The following PCDHA3 variants were observed in gnomAD, a reference collection of about 807,000 sequenced individuals.
PCDHA3 encodes the protein protocadherin alpha-3.
PCDHA3 carries 41 observed loss-of-function variants against 62.2 expected under a neutral mutation model. That is an observed-to-expected ratio of 0.66 (90% CI 0.51 to 0.86). The LOEUF (loss-of-function observed/expected upper bound fraction) is 0.86, where lower values mean the gene tolerates loss of function less well. PCDHA3 is among the 40% of genes least tolerant of loss of function. The pLI is 0.00. For synonymous variants in PCDHA3, 640 were observed against 555.4 expected, an observed-to-expected ratio of 1.15 and a Z score of -2.14; for missense variants, 1,304 against 1,241.2, an observed-to-expected ratio of 1.05 and a Z score of -0.76.
intron 1 of PCDHA3, chr5:140,829,485 A>G (rs2150168670): frequency 1.9e-6 from 3 of 1,613,760 alleles, no homozygotes; most frequent in Non-Finnish European, 1.7e-6. Context: ...GTGTTCGTGA[A>G]GGAGAACAAC....
intron 1 of PCDHA3, chr5:140,804,822 G>A (rs1763466410): frequency 2.7e-6 from 1 of 372,784 alleles, no homozygotes; most frequent in Admixed American, 4.7e-5. Context: ...CTGAAACCTG[G>A]TTAATACTCA....
chr5:140,876,261 A>G (rs2056242888), intron 1 of PCDHA3: 9 of 1,613,942 alleles, frequency 5.6e-6, no homozygotes, highest in Non-Finnish European at 7.6e-6. Context: ...GAGTGATCCA[A>G]CTAAATGCTT....
chr5:140,830,054 G>C, intron 1 of PCDHA3: 1 of 1,613,740 alleles, frequency 6.2e-7, no homozygotes, highest in Non-Finnish European at 8.5e-7. Flanking sequence ...GAAAGACCAC[G>C]GTGAGCCGGC....
chr5:140,902,421 A>G (rs1187358402), intron 1 of PCDHA3, among the ~76,000 whole-genome samples: 4 of 152,076 alleles, frequency 2.6e-5, no homozygotes, highest in Non-Finnish European at 5.9e-5. Context: ...AACAGTGGTG[A>G]AAGTGGGCAT....
intron 1 of PCDHA3, chr5:140,967,958 C>T (rs202159883): frequency 5.6e-6 from 9 of 1,614,182 alleles, no homozygotes; most frequent in East Asian, 2.2e-5. Flanking sequence ...AGGCCCCAAC[C>T]GGAAAGTGAG....
intron 1 of PCDHA3, among the ~76,000 whole-genome samples, chr5:140,917,533 T>C (rs1584058253): frequency 6.6e-6 from 1 of 152,346 alleles, no homozygotes; most frequent in East Asian, 1.9e-4. Context: ...GTTTGTATAG[T>C]TTTAGGTTTT....
intron 1 of PCDHA3, among the ~76,000 whole-genome samples, chr5:140,972,738 A>G (rs918730708): frequency 1.4e-5 from 2 of 142,600 alleles, no homozygotes; most frequent in Non-Finnish European, 3.0e-5. Context: ...ATCCCGGCTC[A>G]CTGCAACCTC....
At chr5:140,882,592 G>T in intron 1 of PCDHA3, 1 of 1,614,272 alleles carries the variant, frequency 6.2e-7, no homozygotes, top group Non-Finnish European at 8.5e-7. Context: ...ACCTGGAGGT[G>T]ATCGTGGACA....
chr5:140,867,485 T>C (rs1329188157), intron 1 of PCDHA3: 1 of 152,044 alleles, frequency 6.6e-6, no homozygotes, highest in Non-Finnish European at 1.5e-5. Context: ...AAAGAGTAAA[T>C]ATGAAAAAAG....
chr5:140,920,118 T>A (rs1196076867), intron 1 of PCDHA3, among the ~76,000 whole-genome samples: 1 of 152,164 alleles, frequency 6.6e-6, no homozygotes, highest in Non-Finnish European at 1.5e-5. Context: ...CTTGCCAACA[T>A]CTTGAGTTTT....
intron 3 of PCDHA3, among the ~76,000 whole-genome samples, chr5:141,000,403 A>G (rs1233777704): frequency 4.8e-5 from 4 of 84,110 alleles, no homozygotes; most frequent in Non-Finnish European, 9.0e-5. Context: ...CTCTATATAT[A>G]TATATATATA....
chr5:140,807,812 T>G, intron 1 of PCDHA3: 1 of 1,614,156 alleles, frequency 6.2e-7, no homozygotes, highest in African/African-American at 1.3e-5. Flanking sequence ...TCCGGAGATT[T>G]TTTTAGTGCT....
intron 1 of PCDHA3, chr5:140,812,413 T>C (rs2126638676): frequency 6.6e-6 from 1 of 152,122 alleles, no homozygotes; most frequent in African/African-American, 2.4e-5. Context: ...GTCAGTTTTG[T>C]TGTTTTTTCA....
At chr5:140,871,293 G>T (rs1206433527) in intron 1 of PCDHA3, 5 of 1,613,794 alleles carry the variant, frequency 3.1e-6, no homozygotes, top group Admixed American at 1.7e-5. Flanking sequence ...CTGAGGGCGC[G>T]TGCGCGCCGG....
intron 1 of PCDHA3, chr5:140,808,078 A>G (rs1764093032): frequency 6.2e-7 from 1 of 1,614,080 alleles, no homozygotes; most frequent in Non-Finnish European, 8.5e-7. Context: ...ACATAGATCC[A>G]ATTACTGGAC....
In PCDHA3 at chr5:140,843,275, A is replaced by T. The variant is rs1225687958; in HGVS notation, c.2394+39684A>T. 5 of 1,595,844 alleles carry T rather than the reference A, an allele frequency of 3.1e-6. No individual in the cohort carries two copies. In the Admixed American group the frequency reaches 5.1e-5, roughly 16 times the overall value. On this transcript the variant is annotated intron_variant, in intron 1 of 3. Coordinates refer to ENST00000522353, the MANE Select transcript of PCDHA3 (RefSeq NM_018906.3). ...GCGCCACCGTCTGCTGGTCCTGGTGAAGGATCATGGTGAACCTGCGCTGAC... is the reference window on the plus strand; with the variant it reads ...GCGCCACCGTCTGCTGGTCCTGGTGTAGGATCATGGTGAACCTGCGCTGAC...
At chr5:140,908,041 G>T (rs2073758972) in intron 1 of PCDHA3, among the ~76,000 whole-genome samples, 1 of 152,112 alleles carries the variant, frequency 6.6e-6, no homozygotes, top group Non-Finnish European at 1.5e-5. Context: ...GTATATAATT[G>T]CACATCCGGC....
intron 1 of PCDHA3, among the ~76,000 whole-genome samples, chr5:140,955,244 G>A (rs1554221834): frequency 2.0e-5 from 3 of 152,072 alleles, no homozygotes; most frequent in South Asian, 2.1e-4. Flanking sequence ...GCTTAGGATC[G>A]GCTTGGCTAT....
intron 1 of PCDHA3, among the ~76,000 whole-genome samples, chr5:140,940,668 C>T (rs1475667382): frequency 3.3e-5 from 5 of 152,166 alleles, no homozygotes; most frequent in African/African-American, 1.2e-4. Flanking sequence ...AAATCTTCAT[C>T]TGATAATTCC....
Sources: allele counts gnomAD v4.1 joint callset (sites outside exome capture counted in the v4.1 genomes callset), GRCh38; gene constraint gnomAD v4.1.1; transcripts MANE v1.5; gene names NCBI Gene and HGNC (gene_info 2026-07-23, HGNC 2026-07-21).